The following OR52E5 variants were observed in gnomAD, a reference collection of about 807,000 sequenced individuals.
OR52E5 encodes the protein olfactory receptor family 52 subfamily E member 5, also known as olfactory receptor 52E5.
chr11:5,901,257 T>C lies in OR52E5; in HGVS notation c.481T>C (p.Phe161Leu), dbSNP rs1847248775. ...IVRTLVFVTP[F>L]TFLILRLPFC... ...CAGGACTTTGGTATTTGTGACTCCA[T>C]TCACATTTCTCATCCTGAGATTGCC... The change falls in exon 3 of 3, where the codon TTC becomes CTC. Residue 161 changes from phenylalanine to leucine, a missense_variant. By Grantham distance (22) the Phe-to-Leu change is conservative. Transcript: ENST00000610445. 3 of 400,322 alleles carry C rather than the reference T, an allele frequency of 7.5e-6. No homozygotes were observed. The highest frequency in any genetic ancestry group is 4.4e-5 in the Admixed American group (1 of 22,668). 24.8% of individuals were successfully genotyped at this position (400,322 alleles called of 1,614,324 possible).
intron 2 of OR52E5, among the ~76,000 whole-genome samples, chr11:5,896,005 T>C (rs536940736): frequency 1.3e-4 from 20 of 150,704 alleles, no homozygotes; most frequent in African/African-American, 4.6e-4. Context: ...GCTGAGATTG[T>C]GCCAGTGTAC....
intron 2 of OR52E5, among the ~76,000 whole-genome samples, chr11:5,899,008 A>C (rs575384585): frequency 2.6e-5 from 4 of 152,272 alleles, no homozygotes; most frequent in African/African-American, 4.8e-5. Flanking sequence ...ATTTCATAGA[A>C]TCTGTAGATT....
Position 5,901,025 on chromosome 11 carries a change from G to A in OR52E5, c.249G>A (p.Met83Ile). The A allele has an allele frequency of 2.5e-6, 1 of 402,066 alleles. No individual in the cohort carries two copies. The highest frequency in any genetic ancestry group is 4.4e-6 in the Non-Finnish European group (1 of 226,378). 24.9% of individuals were successfully genotyped at this position (402,066 alleles called of 1,614,324 possible). Residue 83 changes from methionine to isoleucine, a missense_variant, in exon 3 of 3, where the codon ATG becomes ATA. By Grantham distance (10) the Met-to-Ile change is conservative (BLOSUM62 1). Transcript: ENST00000610445. ...TGTCTACAGCAACCATCCCCAAGATGCTGGGAATTTTCTGGTTTAATCTTG... is the reference window on the plus strand; with the variant it reads ...TGTCTACAGCAACCATCCCCAAGATACTGGGAATTTTCTGGTTTAATCTTG... ...LGLSTATIPKMLGIFWFNLGE... is the reference protein window; with the variant it reads ...LGLSTATIPKILGIFWFNLGE...
chr11:5,895,801 G>A (rs1476045438), intron 2 of OR52E5, 88 bp downstream of exon 2: 4 of 152,234 alleles, frequency 2.6e-5, no homozygotes, highest in South Asian at 2.1e-4. Flanking sequence ...GGCGGCTTAC[G>A]CCTGTAATCC....
intron 1 of OR52E5, among the ~76,000 whole-genome samples, chr11:5,895,191 C>T (rs1315148462): frequency 6.6e-6 from 1 of 152,116 alleles, no homozygotes; most frequent in Admixed American, 6.6e-5. Flanking sequence ...CAAAGTCCTA[C>T]ACCAAAATTA....
Position 5,901,817 on chromosome 11 carries a change from C to G in OR52E5, c.*57C>G. On this transcript the variant is annotated 3_prime_UTR_variant, in exon 3 of 3. Coordinates refer to ENST00000610445, the MANE Select transcript of OR52E5 (RefSeq NM_001005166.5). Reference sequence around the variant, plus strand: ...TTTTTTTTACTACTTCTCTTGCATTCCCACATGAGCCAATAGCATTATATC... The same window carrying G: ...TTTTTTTTACTACTTCTCTTGCATTGCCACATGAGCCAATAGCATTATATC... 2.5e-6 allele frequency: 1 copy of G among 399,454 alleles called. No individual in the cohort carries two copies. The highest frequency in any genetic ancestry group is 4.4e-6 in the Non-Finnish European group (1 of 225,960). 24.7% of individuals were successfully genotyped at this position (399,454 alleles called of 1,614,324 possible).
Position 5,901,412 on chromosome 11 carries a change from G to C in OR52E5, c.636G>C (p.Val212=). 1 of 401,536 alleles carries C rather than the reference G, an allele frequency of 2.5e-6. No homozygotes were observed. The highest frequency in any genetic ancestry group is 4.4e-6 in the Non-Finnish European group (1 of 226,314). 24.9% of individuals were successfully genotyped at this position (401,536 alleles called of 1,614,324 possible). A position where few individuals can be genotyped will look rare whatever the true frequency, so the allele number is the denominator to read the frequency against. The change falls in exon 3 of 3, where the codon GTG becomes GTC. Residue 212 remains valine, a synonymous_variant. Transcript: ENST00000610445. The part of the protein sequence containing the change: ...AFSVGYIDIS[V]IGFSYVQILR... ...CAGTGGGATACATTGACATTTCTGT[G>C]ATTGGATTTTCCTATGTCCAGATCC... is the stretch of plus-strand genomic sequence containing the variant.
At chr11:5,900,458 T>G (rs1415766251) in intron 2 of OR52E5, among the ~76,000 whole-genome samples, 174 bp from the exon 3 acceptor site, 1 of 152,060 alleles carries the variant, frequency 6.6e-6, no homozygotes, top group Non-Finnish European at 1.5e-5. Flanking sequence ...GCAATAAATA[T>G]ATGCTAATTT....
rs1410954598 is a variant in OR52E5, at chr11:5,901,968, C to CA, written c.*212dup. The CA allele has an allele frequency of 4.0e-5, 15 of 378,486 alleles. No homozygotes were observed. Among genetic ancestry groups the CA allele is most frequent in the African/African-American group, 8.3e-5 (4 of 48,180 alleles). The allele number at this position is 378,486 out of a possible 1,614,324, so 23.4% of individuals were successfully genotyped here. A position where few individuals can be genotyped will look rare whatever the true frequency, so the allele number is the denominator to read the frequency against. On this transcript the variant is annotated 3_prime_UTR_variant, in exon 3 of 3. Coordinates refer to ENST00000610445, the MANE Select transcript of OR52E5 (RefSeq NM_001005166.5). ...CTCACACTTAAGCCCCATGATACTA[C>CA]AAAATGCCTAAAGAGAAACAAAGGC...
At chr11:5,900,587 A>C in intron 2 of OR52E5, 45 bp from the exon 3 acceptor site, 1 of 388,888 alleles carries the variant, frequency 2.6e-6, no homozygotes, top group East Asian at 3.6e-5. Flanking sequence ...CAAATATTTA[A>C]AAGTGAGAGT....
rs1241624024 is a variant in OR52E5, at chr11:5,901,691, A to G, written c.915A>G (p.Ile305Met). 2.5e-6 allele frequency: 1 copy of G among 401,066 alleles called. No homozygotes were observed. The highest frequency in any genetic ancestry group is 4.4e-6 in the Non-Finnish European group (1 of 226,214). The allele number at this position is 401,066 out of a possible 1,614,324, so 24.8% of individuals were successfully genotyped here. A position where few individuals can be genotyped will look rare whatever the true frequency, so the allele number is the denominator to read the frequency against. ...TKQIREQVLR[I>M]LNPKSFWHFD... ...AGATACGAGAGCAGGTACTTAGGATACTCAACCCTAAAAGCTTTTGGCATT... is the reference window on the plus strand; with the variant it reads ...AGATACGAGAGCAGGTACTTAGGATGCTCAACCCTAAAAGCTTTTGGCATT... Residue 305 changes from isoleucine (I) to methionine (M), a missense_variant, in exon 3 of 3, where the codon ATA (isoleucine) becomes ATG (methionine). Ile to Met is a conservative substitution (Grantham distance 10). Transcript: ENST00000610445.
intron 2 of OR52E5, among the ~76,000 whole-genome samples, chr11:5,897,288 C>A (rs969568277): frequency 1.5e-4 from 23 of 152,152 alleles, no homozygotes; most frequent in African/African-American, 5.6e-4. Flanking sequence ...TCTCTACCTC[C>A]CTCCCCACCT....
At chr11:5,900,176 G>A (rs534682208) in intron 2 of OR52E5, among the ~76,000 whole-genome samples, 103 of 152,060 alleles carry the variant, frequency 6.8e-4, no homozygotes, top group Non-Finnish European at 1.3e-3. Context: ...TTGTTTTTCT[G>A]GAATTATGCA....
Position 5,902,450 on chromosome 11 carries a change from G to C in OR52E5, c.*690G>C, listed in dbSNP as rs1182013846. ...GTATACAATCCCTGGTTTGAGGTCA[G>C]CTCTCCAGATCCAGATTATCCCAAC... On this transcript the variant is annotated 3_prime_UTR_variant, in exon 3 of 3. Transcript: ENST00000610445. 6.6e-6 allele frequency: 1 copy of C among 152,158 alleles called. No individual in the cohort carries two copies. Among genetic ancestry groups the C allele is most frequent in the Non-Finnish European group, 1.5e-5 (1 of 68,034 alleles). The allele number at this position is 152,158 out of a possible 1,614,324, so 9.4% of individuals were successfully genotyped here. A position where few individuals can be genotyped will look rare whatever the true frequency, so the allele number is the denominator to read the frequency against.
chr11:5,897,045 G>A (rs886399496), intron 2 of OR52E5, among the ~76,000 whole-genome samples: 1 of 152,214 alleles, frequency 6.6e-6, no homozygotes, highest in Non-Finnish European at 1.5e-5. Context: ...TGGGGCAGGG[G>A]ATAGATGTAA....
intron 2 of OR52E5, among the ~76,000 whole-genome samples, chr11:5,900,109 T>C (rs183746198): frequency 2.2e-4 from 33 of 152,336 alleles, no homozygotes; most frequent in East Asian, 1.9e-4. Flanking sequence ...CAGTGTTTTC[T>C]ATTCAGGAAA....
In OR52E5 at chr11:5,902,603, T is replaced by C. The variant is rs1847271442; in HGVS notation, c.*843T>C. The C allele has an allele frequency of 6.6e-6, 1 of 152,214 alleles. No individual in the cohort carries two copies. Among genetic ancestry groups the C allele is most frequent in the Admixed American group, 6.5e-5 (1 of 15,270 alleles). The allele number at this position is 152,214 out of a possible 1,614,324, so 9.4% of individuals were successfully genotyped here. On this transcript the variant is annotated 3_prime_UTR_variant, in exon 3 of 3. Transcript: ENST00000610445. ...TTAAGGACTCAGGGAAATCCCATCC[T>C]CCACAGTCTTTGCTAGAGTGGGTTT...
intron 2 of OR52E5, among the ~76,000 whole-genome samples, chr11:5,896,519 G>T (rs1412054288): frequency 1.3e-5 from 2 of 151,884 alleles, no homozygotes; most frequent in Non-Finnish European, 2.9e-5. Context: ...CATATTAATA[G>T]AGATATGAAA....
intron 2 of OR52E5, among the ~76,000 whole-genome samples, chr11:5,895,960 A>T (rs1410256580): frequency 2.6e-5 from 4 of 151,940 alleles, no homozygotes; most frequent in African/African-American, 7.3e-5. Context: ...GAGGCAGGAG[A>T]ATCGCTTCTA....
Sources: allele counts gnomAD v4.1 joint callset (sites outside exome capture counted in the v4.1 genomes callset), GRCh38; gene constraint gnomAD v4.1.1; transcripts MANE v1.5; gene names NCBI Gene and HGNC (gene_info 2026-07-23, HGNC 2026-07-21).